Variants in SIRT2 observed in about 807,000 individuals in gnomAD.
The protein encoded by SIRT2 is sirtuin 2.
Under a neutral mutation model 57.4 loss-of-function variants are expected in SIRT2, and 40 were observed. That is an observed-to-expected ratio of 0.70 (90% confidence interval 0.54 to 0.91). The LOEUF (loss-of-function observed/expected upper bound fraction) is 0.91. Among genes scored for constraint, SIRT2 ranks in the 40% least tolerant of loss-of-function variants. The pLI, the probability that SIRT2 is intolerant of heterozygous loss-of-function variation, is 0.00. For missense variants in SIRT2, 439 were observed against 510.4 expected (o/e 0.86, Z 1.35); for synonymous variants, 161 against 195.7 (o/e 0.82, Z 1.48).
chr19:38,889,517 A>G (rs1215422539), intron 7 of SIRT2, 172 bp downstream of exon 7: 1 of 720,836 alleles, frequency 1.4e-6, no homozygotes, highest in Non-Finnish European at 2.4e-6. Flanking sequence ...CGGAGGCTCA[A>G]GGTCGTAAGA....
At chr19:38,887,089 C>T (rs1973366230) in intron 8 of SIRT2, among the ~76,000 whole-genome samples, 2 of 152,028 alleles carry the variant, frequency 1.3e-5, no homozygotes, top group African/African-American at 4.8e-5. Context: ...AGGCATGTGC[C>T]ACCACGCCTG....
intron 1 of SIRT2, among the ~76,000 whole-genome samples, chr19:38,899,232 C>A (rs1051900182): frequency 6.6e-6 from 1 of 152,092 alleles, no homozygotes; most frequent in African/African-American, 2.4e-5. Flanking sequence ...AACTTATGTT[C>A]TTTGCAGCGA....
chr19:38,880,792 C>T lies in SIRT2; in HGVS notation c.824+29G>A, dbSNP rs771326292. On this transcript the variant is annotated intron_variant, in intron 12 of 15. Transcript: ENST00000249396. This position sits in a 1 kb window ranked among gnomAD's most constrained non-coding sequence, Gnocchi z 4.1. The stretch of plus-strand genomic sequence containing the variant: ...TCTGTCCTGGCCCTGGGTGCCCAGC[C>T]GTCCTCCCAGCCACAGCCCCCAACC... 17 of 1,612,534 alleles carry T rather than the reference C, an allele frequency of 1.1e-5. No homozygotes were observed. Among genetic ancestry groups the T allele is most frequent in the East Asian group, 2.2e-5 (1 of 44,864 alleles).
At chr19:38,888,062 T>C (rs1800266501) in intron 8 of SIRT2, among the ~76,000 whole-genome samples, 1 of 152,180 alleles carries the variant, frequency 6.6e-6, no homozygotes, top group Non-Finnish European at 1.5e-5. Flanking sequence ...CCACCTGTTT[T>C]ATAATTCGGG....
chr19:38,888,929 G>A (rs561744249), intron 8 of SIRT2, among the ~76,000 whole-genome samples, 158 bp downstream of exon 8: 8 of 152,332 alleles, frequency 5.3e-5, no homozygotes, highest in African/African-American at 1.4e-4. Flanking sequence ...CGTGACTCAC[G>A]GCAGGTCATG....
intron 2 of SIRT2, chr19:38,894,953 T>C (rs1973670413): frequency 2.2e-6 from 1 of 454,242 alleles, no homozygotes. Flanking sequence ...AGCCTCTCAC[T>C]CCTACTATGT....
chr19:38,887,772 T>A (rs1387912982), intron 8 of SIRT2, among the ~76,000 whole-genome samples: 2 of 152,220 alleles, frequency 1.3e-5, no homozygotes, highest in African/African-American at 4.8e-5. Flanking sequence ...TTTGTTTTTT[T>A]AAATTGAGAT....
At chr19:38,894,361 C>T (rs1973649770) in intron 2 of SIRT2, 2 of 190,748 alleles carry the variant, frequency 1.0e-5, no homozygotes, top group East Asian at 1.5e-4. Context: ...TCTCCTGCCT[C>T]GGCCTCCCAA....
At chr19:38,882,405 C>G (rs975059101) in intron 9 of SIRT2, among the ~76,000 whole-genome samples, 2 of 152,126 alleles carry the variant, frequency 1.3e-5, no homozygotes, top group East Asian at 3.9e-4. Context: ...GAGGCTGAGG[C>G]GAGTGGATCG....
At chr19:38,893,955 TG>T in intron 2 of SIRT2, 88 bp from the exon 3 acceptor site, 1 of 1,593,322 alleles carries the variant, frequency 6.3e-7, no homozygotes, top group Non-Finnish European at 8.6e-7. Flanking sequence ...GGGAAAAGGC[TG>T]TGGCAGGAAG....
At chr19:38,883,530 C>G in intron 9 of SIRT2, 97 bp downstream of exon 9, 2 of 1,469,566 alleles carry the variant, frequency 1.4e-6, no homozygotes, top group Middle Eastern at 2.5e-4. Flanking sequence ...AAAAAAACCC[C>G]AAAGAATTGA....
At chr19:38,879,808 GTTT>G in intron 13 of SIRT2, 106 bp from the exon 14 acceptor site, 4 of 675,370 alleles carry the variant, frequency 5.9e-6, no homozygotes, top group African/African-American at 1.8e-5. Context: ...CTGTGACTTT[GTTT>G]TTTTTTTGTT....
intron 8 of SIRT2, among the ~76,000 whole-genome samples, chr19:38,886,977 A>G (rs146154060): frequency 9.7e-4 from 143 of 147,304 alleles, no homozygotes; most frequent in African/African-American, 3.5e-3. Flanking sequence ...TCTCTCTGTC[A>G]CCCAGGCTGG....
At chr19:38,881,576 C>A in intron 9 of SIRT2, 85 bp from the exon 10 acceptor site, 1 of 1,050,248 alleles carries the variant, frequency 9.5e-7, no homozygotes, top group Non-Finnish European at 1.5e-6. Context: ...ACCCCTCTTC[C>A]ACTGTTAACA....
In SIRT2 at chr19:38,889,935, G is replaced by A. The variant is rs776368661; in HGVS notation, c.295C>T (p.Pro99Ser). ...AGGTTGTCATAGAGGCCGGTGGATG[G>A]AGAGCGAAAGTCGGGGATGCCTGCG... ...TSAGIPDFRS[P>S]STGLYDNLEK... Residue 99 changes from proline (P) to serine (S), a missense_variant, in exon 6 of 16, where the codon CCA becomes TCA. Coordinates refer to ENST00000249396, the MANE Select transcript of SIRT2 (RefSeq NM_012237.4). The A allele has an allele frequency of 4.3e-6, 7 of 1,614,182 alleles. No homozygotes were observed. Among genetic ancestry groups the A allele is most frequent in the Non-Finnish European group, 5.9e-6 (7 of 1,180,016 alleles).
chr19:38,894,165 C>T (rs1289260551), intron 2 of SIRT2: 1 of 398,458 alleles, frequency 2.5e-6, no homozygotes, highest in Admixed American at 4.2e-5. Flanking sequence ...GGTGCAGTCA[C>T]AGCTTGCTGC....
rs186054180 is a variant in SIRT2 at position 38,880,399 on chromosome 19, C to T, written c.876+286G>A. ...AGAGCGTGGACCCAACCCCGCCCCC[C>T]GCACTGTCTCTCCTGACCCCTGCAC... On this transcript the variant is annotated intron_variant, in intron 13 of 15. Coordinates refer to ENST00000249396, the MANE Select transcript of SIRT2 (RefSeq NM_012237.4). This position sits in a 1 kb window ranked among gnomAD's most constrained non-coding sequence, Gnocchi z 4.1. 7 of 376,884 alleles carry T rather than the reference C, an allele frequency of 1.9e-5. No homozygotes were observed. The highest frequency in any genetic ancestry group is 4.2e-5 in the African/African-American group (2 of 47,796). 23.3% of individuals were successfully genotyped at this position (376,884 alleles called of 1,614,324 possible). A position where few individuals can be genotyped will look rare whatever the true frequency, so the allele number is the denominator to read the frequency against.
In SIRT2 at chr19:38,899,467, C is replaced by G. The variant is rs758405350; in HGVS notation, c.16+39G>C. On this transcript the variant is annotated intron_variant, in intron 1 of 15. Transcript: ENST00000249396. ...GGGCCTGCAGCATTCAGCCAGGCCCCGGCGCGGCCCGACCCTCCTACCCGG... is the reference window on the plus strand; with the variant it reads ...GGGCCTGCAGCATTCAGCCAGGCCCGGGCGCGGCCCGACCCTCCTACCCGG... 8.7e-6 allele frequency: 14 copies of G among 1,610,690 alleles called. No homozygotes were observed. The Admixed American group carries it at 2.3e-4, about 27-fold the overall frequency.
rs749250869 is a variant in SIRT2, at chr19:38,879,437, C to A, written c.1011G>T (p.Trp337Cys). 3.8e-6 allele frequency: 6 copies of A among 1,593,818 alleles called. No homozygotes were observed. The highest frequency in any genetic ancestry group is 5.1e-6 in the Non-Finnish European group (6 of 1,170,004). ...GCLALAELLG[W>C]KKELEDLVRR... is the part of the protein sequence containing the mutation. ...CTGGGGTTGCTCAGCTCCTCACCTT[C>A]CATCCAAGGAGCTCAGCAAGGGCCA... The change falls in exon 15 of 16, where the codon TGG becomes TGT. Residue 337 changes from tryptophan (W) to cysteine (C), a missense_variant. Coordinates refer to ENST00000249396, the MANE Select transcript of SIRT2 (RefSeq NM_012237.4).
Sources: gnomAD v4.1 joint callset for allele counts (sites outside exome capture counted in the v4.1 genomes callset) on GRCh38, gnomAD v4.1.1 for gene constraint, Gnocchi (gnomAD v3.1) non-coding constraint, MANE v1.5 for transcripts, NCBI Gene and HGNC (gene_info 2026-07-23, HGNC 2026-07-21) for gene names.